The following RHOT1 variants were observed in gnomAD, a reference collection of about 807,000 sequenced individuals.
RHOT1 encodes the protein mitochondrial Rho GTPase 1.
Under a neutral mutation model 95.3 loss-of-function variants are expected in RHOT1, and 27 were observed. The observed-to-expected ratio is 0.28, with a 90% CI of 0.21 to 0.39. The LOEUF is 0.39. Ranked by LOEUF, RHOT1 falls within the 10% of genes least tolerant of loss-of-function variation. The pLI, the probability that RHOT1 is intolerant of heterozygous loss-of-function variation, is 1.00. For missense variants in RHOT1, 578 were observed against 786.7 expected, an observed-to-expected ratio of 0.73 and a Z score of 3.17; for synonymous variants, 227 against 263.5, an observed-to-expected ratio of 0.86 and a Z score of 1.34.
At chr17:32,208,085 G>C in intron 17 of RHOT1, 22 bp from the exon 18 acceptor site, 1 of 1,601,644 alleles carries the variant, frequency 6.2e-7, no homozygotes, top group East Asian at 2.2e-5. Context: ...ATCAGATTTT[G>C]ATTTCATTTT....
At chr17:32,153,882 C>A (rs1280637143) in intron 1 of RHOT1, among the ~76,000 whole-genome samples, 2 of 152,062 alleles carry the variant, frequency 1.3e-5, no homozygotes, top group Non-Finnish European at 2.9e-5. Context: ...TATACTACTG[C>A]TAAAATAAAT....
intron 8 of RHOT1, 88 bp downstream of exon 8, chr17:32,183,360 A>G (rs2035787956): frequency 1.4e-6 from 1 of 695,098 alleles, no homozygotes; most frequent in East Asian, 3.0e-5. Flanking sequence ...GTATTTGTGT[A>G]GAGATTAAAC....
At chr17:32,213,928 C>A (rs763206823) in intron 19 of RHOT1, among the ~76,000 whole-genome samples, 1 of 152,052 alleles carries the variant, frequency 6.6e-6, no homozygotes, top group Admixed American at 6.6e-5. Flanking sequence ...CAGTACGTTT[C>A]GGTCATATCT....
rs1222933757 is a variant in RHOT1, at chr17:32,205,797, C to T, written c.1417-1113C>T. Among the ~76,000 whole-genome samples the T allele has an allele frequency of 3.9e-5, 6 of 152,188 alleles. No homozygotes were observed. The South Asian group carries it at 1.2e-3, about 32-fold the overall frequency. On this transcript the variant is annotated intron_variant, in intron 16 of 19. Transcript: ENST00000545287. ...CTGGGCTCAAGCGATCTGCCCACCT[C>T]AGTCTCCCAAAGTGCTGGGATTACA...
At chr17:32,222,352 A>C (rs575006933) in intron 19 of RHOT1, among the ~76,000 whole-genome samples, 1 of 152,350 alleles carries the variant, frequency 6.6e-6, no homozygotes, top group Admixed American at 6.5e-5. Flanking sequence ...AATCATCTGT[A>C]AACTTCACGA....
At chr17:32,194,828 CT>C (rs11357987) in intron 11 of RHOT1, among the ~76,000 whole-genome samples, 4,582 of 125,230 alleles carry the variant, frequency 0.037, 195 homozygotes, top group African/African-American at 0.12. Flanking sequence ...CTTTTTCTTT[CT>C]TTTTTTTTTT....
intron 6 of RHOT1, chr17:32,179,138 G>GCT (rs2142603279): frequency 7.5e-6 from 1 of 133,362 alleles, no homozygotes; most frequent in Non-Finnish European, 1.6e-5. Flanking sequence ...GCCTCTGCCC[G>GCT]GCCGCCCCGT....
intron 1 of RHOT1, among the ~76,000 whole-genome samples, chr17:32,148,493 A>G (rs1445870537): frequency 2.0e-5 from 3 of 152,222 alleles, no homozygotes; most frequent in African/African-American, 7.2e-5. Flanking sequence ...CCAGTTGGTT[A>G]CTAGTGTTGA....
chr17:32,186,994 T>G (rs1249571458), intron 8 of RHOT1, among the ~76,000 whole-genome samples: 3 of 151,950 alleles, frequency 2.0e-5, no homozygotes, highest in African/African-American at 7.2e-5. Flanking sequence ...ATTTTTATTT[T>G]AAGAAGCGGG....
intron 6 of RHOT1, among the ~76,000 whole-genome samples, chr17:32,182,173 G>A (rs1338255481): frequency 1.3e-5 from 2 of 151,954 alleles, no homozygotes; most frequent in Non-Finnish European, 2.9e-5. Context: ...TTTGCTTATT[G>A]CTCATTTTCT....
intron 1 of RHOT1, chr17:32,151,025 G>A (rs993587694): frequency 6.9e-7 from 1 of 1,458,226 alleles, no homozygotes; most frequent in Non-Finnish European, 9.4e-7. Context: ...CTGGGAGTGG[G>A]GGAAGAGGGG....
At chr17:32,149,417 A>G (rs1460438961) in intron 1 of RHOT1, among the ~76,000 whole-genome samples, 2 of 147,612 alleles carry the variant, frequency 1.4e-5, no homozygotes, top group Non-Finnish European at 3.0e-5. Flanking sequence ...TGTTTATATC[A>G]TATTTGCCAT....
intron 8 of RHOT1, among the ~76,000 whole-genome samples, chr17:32,187,423 T>G (rs1351715701): frequency 6.6e-6 from 1 of 151,544 alleles, no homozygotes; most frequent in Admixed American, 6.6e-5. Flanking sequence ...CAGCTTGAGG[T>G]GATTGCTTTG....
At chr17:32,219,559 C>A (rs2142959486) in intron 19 of RHOT1, among the ~76,000 whole-genome samples, 1 of 152,332 alleles carries the variant, frequency 6.6e-6, no homozygotes, top group East Asian at 1.9e-4. Context: ...TGTGACTGTT[C>A]ACAGTTCACA....
intron 2 of RHOT1, 142 bp downstream of exon 2, chr17:32,171,243 C>G: frequency 3.4e-6 from 2 of 590,130 alleles, no homozygotes; most frequent in Non-Finnish European, 5.9e-6. Flanking sequence ...TCTTTAGAGA[C>G]AGGGTCTCAC....
intron 18 of RHOT1, chr17:32,209,468 C>G (rs755280510): frequency 3.0e-6 from 4 of 1,330,206 alleles, no homozygotes; most frequent in Middle Eastern, 1.8e-4. Context: ...TTCTTTATGA[C>G]TTCTGTGGGA....
intron 1 of RHOT1, among the ~76,000 whole-genome samples, chr17:32,147,824 A>G (rs1404687054): frequency 1.3e-5 from 2 of 152,004 alleles, no homozygotes; most frequent in African/African-American, 2.4e-5. Flanking sequence ...ATTTCAAAAA[A>G]AAAAAAAAAG....
At chr17:32,209,136 A>C (rs1258778507) in intron 18 of RHOT1, 1 of 301,056 alleles carries the variant, frequency 3.3e-6, no homozygotes, top group Admixed American at 4.7e-5. Flanking sequence ...CTATAAACCA[A>C]GAATGACATT....
At chr17:32,191,260 T>C (rs913860144) in intron 8 of RHOT1, among the ~76,000 whole-genome samples, 2 of 152,218 alleles carry the variant, frequency 1.3e-5, no homozygotes, top group Non-Finnish European at 2.9e-5. Context: ...TTTTCTTTCC[T>C]ATTTTTTAAA....
Sources: gnomAD v4.1 joint callset for allele counts (sites outside exome capture counted in the v4.1 genomes callset) on GRCh38, gnomAD v4.1.1 for gene constraint, MANE v1.5 for transcripts, NCBI Gene and HGNC (gene_info 2026-07-23, HGNC 2026-07-21) for gene names.